The following EPS8L3 variants were observed in gnomAD, a reference collection of about 807,000 sequenced individuals.
The protein encoded by EPS8L3 is epidermal growth factor receptor kinase substrate 8-like protein 3.
EPS8L3 carries 80 observed loss-of-function variants against 88.5 expected under a neutral mutation model. The ratio of observed to expected loss-of-function variants is 0.90; its 90% CI spans 0.75 to 1.09. The LOEUF (loss-of-function observed/expected upper bound fraction) is 1.09. Ranked by LOEUF, EPS8L3 falls within the 50% of genes least tolerant of loss-of-function variation. The pLI is 0.00. For missense variants in EPS8L3, 721 were observed against 735.2 expected (o/e 0.98, Z 0.22); for synonymous variants, 286 against 291.0 (o/e 0.98, Z 0.18).
intron 8 of EPS8L3, 82 bp downstream of exon 8, chr1:109,758,234 C>T (rs1650496895): frequency 2.8e-6 from 4 of 1,426,536 alleles, no homozygotes; most frequent in Non-Finnish European, 3.9e-6. Flanking sequence ...ACCCTGGCCT[C>T]CTAGAAAAAG....
At chr1:109,760,451 A>C (rs1015196895) in intron 3 of EPS8L3, among the ~76,000 whole-genome samples, 1 of 151,334 alleles carries the variant, frequency 6.6e-6, no homozygotes, top group Non-Finnish European at 1.5e-5. Context: ...GGCCCCTTCC[A>C]CCCAGGCTTC....
At chr1:109,756,900 A>G (rs1306466455) in intron 12 of EPS8L3, 117 bp downstream of exon 12, 41 of 1,335,520 alleles carry the variant, frequency 3.1e-5, no homozygotes, top group Non-Finnish European at 1.3e-5. Flanking sequence ...GAGTCCCCCA[A>G]GTAGCTCTGA....
In EPS8L3 at chr1:109,751,995, C is replaced by T; in HGVS notation, c.1434G>A (p.Glu478=). Reference sequence around the variant, plus strand: ...TTCTAGCCTATGGCCCAAGCCTCACCTCCAGCTTCTCTCCCTGGACCACAG... The same window carrying T: ...TTCTAGCCTATGGCCCAAGCCTCACTTCCAGCTTCTCTCCCTGGACCACAG... The part of the protein sequence containing the change: ...ELTVVQGEKL[E]VLDHSKRWWL... Residue 478 remains glutamate, a splice_region_variant and synonymous_variant, in exon 15 of 19, where the codon GAG becomes GAA. Coordinates refer to ENST00000361965, the MANE Select transcript of EPS8L3 (RefSeq NM_133181.4). The T allele has an allele frequency of 6.2e-7, 1 of 1,602,272 alleles. No individual in the cohort carries two copies. Among genetic ancestry groups the T allele is most frequent in the African/African-American group, 1.3e-5 (1 of 74,766 alleles).
At chr1:109,763,666 C>T (rs907580652) in intron 1 of EPS8L3, among the ~76,000 whole-genome samples, 156 bp downstream of exon 1, 1 of 152,210 alleles carries the variant, frequency 6.6e-6, no homozygotes, top group Admixed American at 6.5e-5. Flanking sequence ...CAGCCAGCTG[C>T]TGAGTCCCAA....
chr1:109,757,655 C>T (rs11102002), intron 10 of EPS8L3, 100 bp from the exon 11 acceptor site: 98,068 of 1,407,064 alleles, frequency 0.07, 5,212 homozygotes, highest in African/African-American at 0.26. Context: ...GCTGGCACTT[C>T]CCAAAAGTCC....
chr1:109,756,905 C>T (rs1650336420), intron 12 of EPS8L3, 112 bp downstream of exon 12: 2 of 1,379,738 alleles, frequency 1.4e-6, no homozygotes, highest in Non-Finnish European at 2.0e-6. Flanking sequence ...CCCCAAGTAG[C>T]TCTGAAATAT....
At chr1:109,752,843 G>T in intron 13 of EPS8L3, 123 bp from the exon 14 acceptor site, 1 of 899,566 alleles carries the variant, frequency 1.1e-6, no homozygotes, top group Non-Finnish European at 1.8e-6. Flanking sequence ...CCCCTTTCCT[G>T]CCTCCCCCAG....
intron 12 of EPS8L3, among the ~76,000 whole-genome samples, chr1:109,755,333 C>T (rs1465864530): frequency 6.6e-6 from 1 of 152,126 alleles, no homozygotes; most frequent in Non-Finnish European, 1.5e-5. Flanking sequence ...GTTGGTGGCA[C>T]ACATTGTTAA....
intron 8 of EPS8L3, 118 bp from the exon 9 acceptor site, chr1:109,758,176 A>AT: frequency 7.8e-7 from 1 of 1,288,028 alleles, no homozygotes; most frequent in Non-Finnish European, 1.1e-6. Flanking sequence ...AGCCTGGAGT[A>AT]TAAACAAGCC....
At position 109,752,708 on chromosome 1, in the gene EPS8L3, A is replaced by C; in HGVS notation, c.1213T>G (p.Tyr405Asp). Residue 405 changes from tyrosine to aspartate, a missense_variant, in exon 14 of 19, where the codon TAC (tyrosine) becomes GAC (aspartate). Tyr to Asp is a radical substitution (Grantham distance 160). Coordinates refer to ENST00000361965, the MANE Select transcript of EPS8L3 (RefSeq NM_133181.4). The part of the protein sequence containing the change: ...PEPSSQAPLG[Y>D]QDPVSLRRGS... ...TACCGAAGGGAAACAGGGTCCTGGT[A>C]TCCTAAGGGTGCCTGTAAGGGACAG... 1.9e-6 allele frequency: 3 copies of C among 1,552,128 alleles called. No individual in the cohort carries two copies. In the South Asian group the frequency reaches 3.6e-5, roughly 18 times the overall value.
At position 109,752,687 on chromosome 1, in the gene EPS8L3, G is replaced by T. The variant is rs765310409; in HGVS notation, c.1234C>A (p.Arg412=). The T allele has an allele frequency of 1.9e-6, 3 of 1,551,482 alleles. No individual in the cohort carries two copies. In the African/African-American group the frequency reaches 4.1e-5, roughly 21 times the overall value. Residue 412 remains arginine, a splice_region_variant and synonymous_variant, in exon 14 of 19, where the codon CGG becomes AGG. Transcript: ENST00000361965. ...GTCCCTATTAAGCTCAGAGCATACC[G>T]AAGGGAAACAGGGTCCTGGTATCCT... The part of the protein sequence containing the change: ...PLGYQDPVSL[R]RGSHRLGSTS...
At chr1:109,763,245 G>C (rs1051232584) in intron 1 of EPS8L3, among the ~76,000 whole-genome samples, 75 of 152,158 alleles carry the variant, frequency 4.9e-4, no homozygotes, top group Non-Finnish European at 1.5e-4. Context: ...TCTCTCCAGG[G>C]GTAAGGCGGG....
At chr1:109,751,172 G>C in intron 17 of EPS8L3, 106 bp downstream of exon 17, 1 of 948,816 alleles carries the variant, frequency 1.1e-6, no homozygotes, top group Non-Finnish European at 1.6e-6. Flanking sequence ...GCTGGATCGG[G>C]GTCATGTACA....
intron 1 of EPS8L3, among the ~76,000 whole-genome samples, chr1:109,762,804 C>T (rs1651121266): frequency 6.6e-6 from 1 of 152,208 alleles, no homozygotes; most frequent in Non-Finnish European, 1.5e-5. Context: ...TAGAGAGCAA[C>T]CCAGATCTGT....
chr1:109,758,737 C>T (rs1650570886), intron 6 of EPS8L3, 74 bp from the exon 7 acceptor site: 1 of 1,500,968 alleles, frequency 6.7e-7, no homozygotes, highest in South Asian at 1.4e-5. Context: ...AATTCTGCTC[C>T]AGGACCCAGG....
chr1:109,750,751 A>T lies in EPS8L3; in HGVS notation c.1679T>A (p.Leu560His). The T allele has an allele frequency of 6.2e-7, 1 of 1,614,190 alleles. No homozygotes were observed. Among genetic ancestry groups the T allele is most frequent in the East Asian group, 2.2e-5 (1 of 44,876 alleles). ...CTGTAGCTCCCCAGGTCTTATGCGA[A>T]GTAGCTGGCTCCCCGTCAGGGACCC... ...TLGSLTGSQLLRIRPGELQML... is the reference protein window; with the variant it reads ...TLGSLTGSQLHRIRPGELQML... The change falls in exon 18 of 19, where the codon CTT (leucine) becomes CAT (histidine). Residue 560 changes from leucine (L) to histidine (H), a missense_variant. Transcript: ENST00000361965.
chr1:109,761,703 C>G lies in EPS8L3; in HGVS notation c.31+16G>C, dbSNP rs370742281. ...TCAGTGGGAGGGCACGGGAGAGGGG[C>G]CTGCCAGGAGCTTACAGTAAATGGC... is the stretch of plus-strand genomic sequence containing the variant. On this transcript the variant is annotated intron_variant, in intron 2 of 18. Transcript: ENST00000361965. 1 of 1,613,806 alleles carries G rather than the reference C, an allele frequency of 6.2e-7. No individual in the cohort carries two copies. The highest frequency in any genetic ancestry group is 1.1e-5 in the South Asian group (1 of 91,066).
At chr1:109,757,281 G>T in intron 11 of EPS8L3, 116 bp from the exon 12 acceptor site, 1 of 1,321,044 alleles carries the variant, frequency 7.6e-7, no homozygotes, top group Non-Finnish European at 1.0e-6. Flanking sequence ...GTTACCTCCT[G>T]CAAGGGGCCC....
intron 14 of EPS8L3, 152 bp downstream of exon 14, chr1:109,752,534 C>G: frequency 1.4e-6 from 1 of 704,890 alleles, no homozygotes; most frequent in Non-Finnish European, 2.4e-6. Context: ...TGTTTTTCAC[C>G]CAAGGTAGGA....
Sources: gnomAD v4.1 joint callset for allele counts (sites outside exome capture counted in the v4.1 genomes callset) on GRCh38, gnomAD v4.1.1 for gene constraint, MANE v1.5 for transcripts, NCBI Gene and HGNC (gene_info 2026-07-23, HGNC 2026-07-21) for gene names.